DLGAP2: variants seen among roughly 807,000 people sequenced by gnomAD.
DLGAP2 encodes disks large-associated protein 2.
A neutral mutation model predicts 100.3 loss-of-function variants in DLGAP2; 26 were observed. The ratio of observed to expected loss-of-function variants is 0.26; its 90% CI spans 0.19 to 0.36. DLGAP2 has a LOEUF of 0.36. Ranked by LOEUF, DLGAP2 falls within the 10% of genes least tolerant of loss-of-function variation. The pLI, the probability that DLGAP2 is intolerant of heterozygous loss-of-function variation, is 1.00. For missense variants in DLGAP2, 1,858 were observed against 1,453.2 expected, an observed-to-expected ratio of 1.28 and a Z score of -4.53; for synonymous variants, 886 against 630.1, an observed-to-expected ratio of 1.41 and a Z score of -6.08.
intron 1 of DLGAP2, among the ~76,000 whole-genome samples, chr8:823,310 C>CATTATTATTATTATTATT (rs5888817): frequency 1.3e-5 from 2 of 148,438 alleles, no homozygotes; most frequent in African/African-American, 5.0e-5. Context: ...AGCTTGAATT[C>CATTATTATTATTATTATT]ATTATTATTA....
chr8:1,681,705 G>A (rs1480753547), intron 12 of DLGAP2, among the ~76,000 whole-genome samples: 1 of 152,180 alleles, frequency 6.6e-6, no homozygotes, highest in Non-Finnish European at 1.5e-5. Flanking sequence ...GATATGTCAG[G>A]CCCTGTGCCG....
chr8:803,628 T>C (rs541311570), intron 1 of DLGAP2, among the ~76,000 whole-genome samples: 1 of 152,160 alleles, frequency 6.6e-6, no homozygotes, highest in South Asian at 2.1e-4. Context: ...GTTCATTCTT[T>C]TATAAAACTC....
At chr8:1,456,476 C>G (rs7012776) in intron 3 of DLGAP2, among the ~76,000 whole-genome samples, 2,540 of 152,224 alleles carry the variant, frequency 0.017, 73 homozygotes, top group African/African-American at 0.058. Context: ...CACAGCGGAT[C>G]AAGAATCTGC....
chr8:1,372,243 C>CTGGGACGCTGGTCACCGTGCTGCCAACGG, intron 3 of DLGAP2, among the ~76,000 whole-genome samples: 3 of 151,812 alleles, frequency 2.0e-5, no homozygotes, highest in African/African-American at 7.3e-5. Context: ...GGTGCCAACG[C>CTGGGACGCTGGTCACCGTGCTGCCAACGG]TGGGACGCTG....
At chr8:1,598,401 G>A (rs538553391) in intron 6 of DLGAP2, among the ~76,000 whole-genome samples, 1 of 152,058 alleles carries the variant, frequency 6.6e-6, no homozygotes, top group Admixed American at 6.6e-5. Context: ...AGAGGAGTCC[G>A]TCTTTTTCTA....
At chr8:1,240,923 G>C (rs1798778220) in intron 2 of DLGAP2, among the ~76,000 whole-genome samples, 1 of 7,722 alleles carries the variant, frequency 1.3e-4, no homozygotes, top group Non-Finnish European at 3.4e-4. Context: ...ATGGCACTGT[G>C]TCTAGTTCTC....
chr8:1,183,280 A>G (rs1403192697), intron 2 of DLGAP2, among the ~76,000 whole-genome samples: 2 of 152,166 alleles, frequency 1.3e-5, no homozygotes, highest in Non-Finnish European at 2.9e-5. Context: ...ACTCCAGAAT[A>G]ATATCAGTTC....
chr8:1,451,602 G>A (rs138426854), intron 3 of DLGAP2, among the ~76,000 whole-genome samples: 34 of 152,060 alleles, frequency 2.2e-4, no homozygotes, highest in Admixed American at 1.2e-3. Context: ...TCCATCACAT[G>A]TCCCCTCCTG....
intron 2 of DLGAP2, among the ~76,000 whole-genome samples, chr8:989,604 T>G (rs11784100): frequency 2.0e-5 from 3 of 151,732 alleles, no homozygotes; most frequent in Non-Finnish European, 4.4e-5. Flanking sequence ...GGCTCTTAAC[T>G]GTGTTGAAAG....
intron 1 of DLGAP2, among the ~76,000 whole-genome samples, chr8:850,718 A>G (rs1311930390): frequency 6.6e-6 from 1 of 152,194 alleles, no homozygotes; most frequent in Admixed American, 6.5e-5. Context: ...ATAGCATGAA[A>G]TTTTAAATGT....
At chr8:1,178,948 C>G (rs1262435727) in intron 2 of DLGAP2, among the ~76,000 whole-genome samples, 1 of 152,096 alleles carries the variant, frequency 6.6e-6, no homozygotes, top group Non-Finnish European at 1.5e-5. Flanking sequence ...ACCTGGGGCC[C>G]ACGCCGCCCT....
At chr8:905,265 G>A (rs532024274) in intron 1 of DLGAP2, among the ~76,000 whole-genome samples, 2 of 152,224 alleles carry the variant, frequency 1.3e-5, no homozygotes, top group South Asian at 4.1e-4. Context: ...TGCAGTGAGT[G>A]GCTCTGCTGG....
At chr8:1,027,439 TGCCAG>T (rs1487103746) in intron 2 of DLGAP2, among the ~76,000 whole-genome samples, 1 of 148,834 alleles carries the variant, frequency 6.7e-6, no homozygotes, top group Non-Finnish European at 1.5e-5. Context: ...CCAGGTGCGG[TGCCAG>T]GCGCTCGTTA....
At chr8:1,540,092 C>G (rs763092085) in intron 4 of DLGAP2, among the ~76,000 whole-genome samples, 1 of 152,184 alleles carries the variant, frequency 6.6e-6, no homozygotes, top group Non-Finnish European at 1.5e-5. Context: ...GCCACAGGCA[C>G]CAACTCAGAG....
At chr8:1,416,699 A>G (rs1796895271) in intron 3 of DLGAP2, among the ~76,000 whole-genome samples, 1 of 152,194 alleles carries the variant, frequency 6.6e-6, no homozygotes, top group Admixed American at 6.5e-5. Flanking sequence ...AGGTCACTTA[A>G]TAAGTAAAAC....
At chr8:1,195,268 A>G (rs923147178) in intron 2 of DLGAP2, among the ~76,000 whole-genome samples, 2 of 152,192 alleles carry the variant, frequency 1.3e-5, no homozygotes, top group Non-Finnish European at 1.5e-5. Flanking sequence ...CCCGCTGGCC[A>G]AGCACCCAGT....
At chr8:943,160 A>G (rs898462579) in intron 2 of DLGAP2, among the ~76,000 whole-genome samples, 3 of 152,186 alleles carry the variant, frequency 2.0e-5, no homozygotes, top group Non-Finnish European at 4.4e-5. Context: ...TTTAGGGGCT[A>G]TTTTATACCA....
intron 8 of DLGAP2, among the ~76,000 whole-genome samples, chr8:1,655,212 C>G (rs902298836): frequency 5.9e-5 from 9 of 152,214 alleles, no homozygotes; most frequent in African/African-American, 1.4e-4. Flanking sequence ...ACTTCTGTGT[C>G]CTGTCTGATT....
chr8:878,370 A>G (rs145878077), intron 1 of DLGAP2, among the ~76,000 whole-genome samples: 1 of 152,328 alleles, frequency 6.6e-6, no homozygotes, highest in East Asian at 1.9e-4. Flanking sequence ...TGTGGTTCAA[A>G]GTTCAGAAAA....
Sources: allele counts gnomAD v4.1 joint callset (sites outside exome capture counted in the v4.1 genomes callset), GRCh38; gene constraint gnomAD v4.1.1; transcripts MANE v1.5; gene names NCBI Gene and HGNC (gene_info 2026-07-23, HGNC 2026-07-21).